Variants in KLF8 observed in about 807,000 individuals in gnomAD.
The protein encoded by KLF8 is Krueppel-like factor 8.
Under a neutral mutation model 18.2 loss-of-function variants are expected in KLF8, and 10 were observed. The observed-to-expected ratio is 0.55, with a 90% CI of 0.34 to 0.93. KLF8 has a LOEUF of 0.93. Ranked by LOEUF, KLF8 falls within the 40% of genes least tolerant of loss-of-function variation. The probability of loss-of-function intolerance (pLI) is 0.02; values close to 1 mark genes in which losing one functional copy is unlikely to be tolerated. For synonymous variants in KLF8, 109 were observed against 97.3 expected (o/e 1.12, Z -0.71); for missense variants, 264 against 277.9 (o/e 0.95, Z 0.36).
At chrX:56,162,395 C>A in the KLF8 span, among the ~76,000 whole-genome samples, 1 of 112,194 alleles carries the variant, frequency 8.9e-6, no homozygotes, top group African/African-American at 3.2e-5. Context: ...GGCAGGCCTC[C>A]TTGAGCTGCA....
the KLF8 span, among the ~76,000 whole-genome samples, chrX:56,045,708 G>A: frequency 9.0e-6 from 1 of 111,637 alleles, no homozygotes; most frequent in African/African-American, 3.3e-5. Flanking sequence ...TCTCTGCTAG[G>A]TCACTGTTAG....
At chrX:56,025,724 A>G in the KLF8 span, among the ~76,000 whole-genome samples, 5 of 111,678 alleles carry the variant, frequency 4.5e-5, no homozygotes, top group Non-Finnish European at 7.5e-5. Flanking sequence ...CTTATTTCAA[A>G]TACCGTGATC....
At chrX:56,126,768 T>C in the KLF8 span, among the ~76,000 whole-genome samples, 3 of 103,170 alleles carry the variant, frequency 2.9e-5, no homozygotes, top group Non-Finnish European at 5.9e-5. Context: ...TTTTTTTTTT[T>C]TTGAGACGAA....
At chrX:56,258,436 C>T (rs1439169658) in intron 2 of KLF8, among the ~76,000 whole-genome samples, 2 of 111,061 alleles carry the variant, frequency 1.8e-5, no homozygotes, top group Admixed American at 1.9e-4. Flanking sequence ...CCACACCTCG[C>T]TAATTTTGTT....
At chrX:55,925,087 C>CT in the KLF8 span, among the ~76,000 whole-genome samples, 1 of 102,073 alleles carries the variant, frequency 9.8e-6, no homozygotes, top group Non-Finnish European at 2.0e-5. Context: ...TCTCAAACTG[C>CT]TGACCTCAGG....
chrX:55,991,468 C>T, the KLF8 span, among the ~76,000 whole-genome samples: 11 of 111,715 alleles, frequency 9.8e-5, no homozygotes, highest in African/African-American at 1.6e-4. Flanking sequence ...GGCGATGCCT[C>T]GGCCTGCCTC....
At chrX:56,158,389 A>G in the KLF8 span, among the ~76,000 whole-genome samples, 8 of 111,841 alleles carry the variant, frequency 7.2e-5, no homozygotes, top group Non-Finnish European at 1.1e-4. Flanking sequence ...TTTTGGTTCC[A>G]TATGAACTTT....
chrX:56,008,903 A>G, the KLF8 span, among the ~76,000 whole-genome samples: 7 of 112,041 alleles, frequency 6.2e-5, no homozygotes, highest in Non-Finnish European at 9.4e-5. Flanking sequence ...AAACTTCAGC[A>G]ACTCCAGCCA....
the KLF8 span, among the ~76,000 whole-genome samples, chrX:56,035,850 T>C: frequency 8.9e-6 from 1 of 112,236 alleles, no homozygotes; most frequent in Non-Finnish European, 1.9e-5. Context: ...ATGTTTGAGT[T>C]TCTTACATAT....
the KLF8 span, among the ~76,000 whole-genome samples, chrX:56,049,263 TCTC>T: frequency 9.0e-6 from 1 of 111,304 alleles, no homozygotes. Flanking sequence ...TTTATTGCCT[TCTC>T]CTGCCTGATT....
chrX:56,065,548 A>T, the KLF8 span, among the ~76,000 whole-genome samples: 18 of 110,085 alleles, frequency 1.6e-4, no homozygotes, highest in South Asian at 5.7e-3. Flanking sequence ...AGATTTCATA[A>T]TTTTTTTTCA....
chrX:56,076,068 T>C, the KLF8 span, among the ~76,000 whole-genome samples: 1 of 110,412 alleles, frequency 9.1e-6, no homozygotes, highest in Admixed American at 9.7e-5. Flanking sequence ...GTTTGGTTTT[T>C]TGTTCTTGCG....
chrX:56,267,852 A>G (rs1328948949), intron 3 of KLF8: 1 of 111,202 alleles, frequency 9.0e-6, no homozygotes, highest in Non-Finnish European at 1.9e-5. Flanking sequence ...AAAATGTATC[A>G]TCATTAACTA....
the KLF8 span, among the ~76,000 whole-genome samples, chrX:56,050,521 A>G: frequency 2.7e-5 from 3 of 111,877 alleles, no homozygotes; most frequent in Admixed American, 2.8e-4. Context: ...TCATTTTGTT[A>G]TGTACCCAGT....
At chrX:56,036,699 AT>A in the KLF8 span, among the ~76,000 whole-genome samples, 1 of 111,225 alleles carries the variant, frequency 9.0e-6, no homozygotes, top group Non-Finnish European at 1.9e-5. Context: ...AGAATTTAAA[AT>A]TTTTTTTCTT....
the KLF8 span, among the ~76,000 whole-genome samples, chrX:56,136,600 A>T: frequency 9.0e-6 from 1 of 111,512 alleles, no homozygotes; most frequent in Non-Finnish European, 1.9e-5. Flanking sequence ...TACAAAAATC[A>T]ATTCAAGATG....
chrX:56,282,403 A>ATTAGCTGCTAAGAAT (rs2067213099), intron 5 of KLF8, among the ~76,000 whole-genome samples: 4 of 112,496 alleles, frequency 3.6e-5, no homozygotes, highest in Non-Finnish European at 5.6e-5. Context: ...CTTAGCAGCT[A>ATTAGCTGCTAAGAAT]ATGCAGCTAT....
At chrX:56,172,093 T>C in the KLF8 span, among the ~76,000 whole-genome samples, 25 of 111,308 alleles carry the variant, frequency 2.2e-4, no homozygotes, top group African/African-American at 7.5e-4. Flanking sequence ...TATCTTGTTT[T>C]GGTTTTGATT....
the KLF8 span, among the ~76,000 whole-genome samples, chrX:56,152,512 G>A: frequency 3.6e-5 from 4 of 111,176 alleles, no homozygotes; most frequent in African/African-American, 1.3e-4. Flanking sequence ...CAAAGACTTA[G>A]ATAATAATAG....
Sources: gnomAD v4.1 joint callset for allele counts (sites outside exome capture counted in the v4.1 genomes callset) on GRCh38, gnomAD v4.1.1 for gene constraint, MANE v1.5 for transcripts, NCBI Gene and HGNC (gene_info 2026-07-23, HGNC 2026-07-21) for gene names.